Variants in RALYL observed in about 807,000 individuals in gnomAD.
The protein encoded by RALYL is RNA-binding Raly-like protein.
In RALYL, 29 loss-of-function variants were observed where a neutral mutation model predicts 35.1. That is an observed-to-expected ratio of 0.83 (90% CI 0.61 to 1.13). The LOEUF (loss-of-function observed/expected upper bound fraction) is 1.13. Ranked by LOEUF, RALYL falls within the 50% of genes most tolerant of loss-of-function variation. The pLI, the probability that RALYL is intolerant of heterozygous loss-of-function variation, is 0.00. For synonymous variants in RALYL, 120 were observed against 127.6 expected (o/e 0.94, Z 0.40); for missense variants, 359 against 360.4 (o/e 1.00, Z 0.03).
chr8:84,322,779 T>C (rs1845101733), intron 1 of RALYL, among the ~76,000 whole-genome samples: 1 of 152,108 alleles, frequency 6.6e-6, no homozygotes, highest in Non-Finnish European at 1.5e-5. Context: ...GTCTCAAGCT[T>C]CCCTACTTCC....
chr8:84,258,040 AG>A (rs1330300120), intron 1 of RALYL, among the ~76,000 whole-genome samples: 1 of 152,152 alleles, frequency 6.6e-6, no homozygotes, highest in Non-Finnish European at 1.5e-5. Context: ...CGAAAATTCT[AG>A]AAGATATCTA....
chr8:84,864,824 G>A, intron 6 of RALYL: 1 of 594,434 alleles, frequency 1.7e-6, no homozygotes, highest in Non-Finnish European at 3.2e-6. Context: ...AGTAGTCAAT[G>A]TCATGGTCAG....
chr8:84,551,168 A>C (rs762240619), intron 2 of RALYL, among the ~76,000 whole-genome samples: 12 of 152,058 alleles, frequency 7.9e-5, no homozygotes, highest in Non-Finnish European at 1.8e-4. Flanking sequence ...TTGAAATTTA[A>C]ATTTCTACTA....
At chr8:84,913,646 C>T (rs1308356122) in intron 8 of RALYL, among the ~76,000 whole-genome samples, 1 of 151,922 alleles carries the variant, frequency 6.6e-6, no homozygotes, top group Non-Finnish European at 1.5e-5. Flanking sequence ...CCTTCTACAT[C>T]TGTTATAATT....
chr8:84,460,967 A>C (rs1259772542), intron 1 of RALYL, among the ~76,000 whole-genome samples: 1 of 151,626 alleles, frequency 6.6e-6, no homozygotes, highest in Non-Finnish European at 1.5e-5. Context: ...AAATGATAAG[A>C]GAGTACACCC....
intron 2 of RALYL, among the ~76,000 whole-genome samples, chr8:84,625,545 A>G (rs950709081): frequency 9.2e-5 from 14 of 152,172 alleles, no homozygotes; most frequent in Non-Finnish European, 2.9e-5. Flanking sequence ...AGCATTTACT[A>G]TTTATCAGCT....
rs181136140 is a variant in RALYL at position 84,269,231 on chromosome 8, G to T, written c.-24+84807G>T. Among the ~76,000 whole-genome samples the T allele has an allele frequency of 1.5e-3, 232 of 152,212 alleles. 1 individual carries two copies. Among genetic ancestry groups the T allele is most frequent in the African/African-American group, 5.3e-3 (222 of 41,540 alleles). ...ACTGCATAATGATACTAGAATTATAGTGGTGAATATAGATTAAATTACCAA... is the reference window on the plus strand; with the variant it reads ...ACTGCATAATGATACTAGAATTATATTGGTGAATATAGATTAAATTACCAA... On this transcript the variant is annotated intron_variant, in intron 1 of 8. Coordinates refer to ENST00000521268, the MANE Select transcript of RALYL (RefSeq NM_173848.7).
At chr8:84,794,143 C>A (rs1821396557) in intron 3 of RALYL, among the ~76,000 whole-genome samples, 1 of 152,192 alleles carries the variant, frequency 6.6e-6, no homozygotes, top group South Asian at 2.1e-4. Flanking sequence ...CTGCTCCTCC[C>A]AACCTACTAG....
chr8:84,356,315 T>C (rs2131168080), intron 1 of RALYL, among the ~76,000 whole-genome samples: 1 of 150,572 alleles, frequency 6.6e-6, no homozygotes, highest in African/African-American at 2.5e-5. Flanking sequence ...TGATTTAGGC[T>C]GCATAAACTT....
intron 2 of RALYL, among the ~76,000 whole-genome samples, chr8:84,711,692 A>T (rs1187892984): frequency 6.6e-6 from 1 of 152,182 alleles, no homozygotes; most frequent in Non-Finnish European, 1.5e-5. Context: ...AGTGATCAAC[A>T]GTGATAATAG....
At chr8:84,308,374 T>G (rs2129679903) in intron 1 of RALYL, among the ~76,000 whole-genome samples, 1 of 152,158 alleles carries the variant, frequency 6.6e-6, no homozygotes, top group Admixed American at 6.5e-5. Flanking sequence ...AAAAAAAAAT[T>G]ATTTAAAACA....
intron 1 of RALYL, among the ~76,000 whole-genome samples, chr8:84,469,467 A>T (rs1015666108): frequency 1.1e-4 from 16 of 152,226 alleles, no homozygotes; most frequent in Admixed American, 2.0e-4. Flanking sequence ...GTGTCAGGGG[A>T]CAGGGACCCA....
intron 2 of RALYL, among the ~76,000 whole-genome samples, chr8:84,582,857 A>G (rs1033071710): frequency 6.7e-6 from 1 of 150,158 alleles, no homozygotes; most frequent in African/African-American, 2.4e-5. Context: ...AAAATATGCT[A>G]TAGATTTATG....
intron 2 of RALYL, among the ~76,000 whole-genome samples, chr8:84,641,036 T>G (rs550433489): frequency 6.6e-6 from 1 of 151,842 alleles, no homozygotes; most frequent in South Asian, 2.1e-4. Context: ...TTGTATTACA[T>G]TTTCCTCTTT....
intron 1 of RALYL, among the ~76,000 whole-genome samples, chr8:84,464,130 A>T (rs1218454116): frequency 2.3e-5 from 3 of 128,082 alleles, no homozygotes; most frequent in African/African-American, 8.8e-5. Context: ...CATTAAAACA[A>T]GTTTTTTTTT....
intron 7 of RALYL, among the ~76,000 whole-genome samples, chr8:84,882,840 G>T (rs547654675): frequency 1.3e-5 from 2 of 151,580 alleles, no homozygotes; most frequent in African/African-American, 4.8e-5. Flanking sequence ...CGAACTAAAC[G>T]TTACTCATCT....
chr8:84,850,107 C>G (rs150554526), intron 5 of RALYL, 80 bp downstream of exon 5: 1 of 680,102 alleles, frequency 1.5e-6, no homozygotes, highest in Non-Finnish European at 2.4e-6. Context: ...CATGGGTGCT[C>G]TTAATTATGG....
At chr8:84,769,261 A>G (rs1220209362) in intron 2 of RALYL, among the ~76,000 whole-genome samples, 1 of 152,176 alleles carries the variant, frequency 6.6e-6, no homozygotes, top group African/African-American at 2.4e-5. Flanking sequence ...CCTTATTCTA[A>G]GTCATACAAG....
chr8:84,243,227 A>G (rs13273191), intron 1 of RALYL, among the ~76,000 whole-genome samples: 75,673 of 151,984 alleles, frequency 0.5, 18,990 homozygotes, highest in South Asian at 0.55. Flanking sequence ...GTAGCCTTGT[A>G]TAGTTTGAAG....
Sources: gnomAD v4.1 joint callset for allele counts (sites outside exome capture counted in the v4.1 genomes callset) on GRCh38, gnomAD v4.1.1 for gene constraint, MANE v1.5 for transcripts, NCBI Gene and HGNC (gene_info 2026-07-23, HGNC 2026-07-21) for gene names.